CLEC9A: variants seen among roughly 807,000 people sequenced by gnomAD.
The protein encoded by CLEC9A is C-type lectin domain containing 9A.
In CLEC9A, 24 loss-of-function variants were observed where a neutral mutation model predicts 30.0. The ratio of observed to expected loss-of-function variants is 0.80; its 90% CI spans 0.58 to 1.13. The LOEUF (loss-of-function observed/expected upper bound fraction) is 1.13, where lower values mean the gene tolerates loss of function less well. Among genes scored for constraint, CLEC9A ranks in the 50% most tolerant of loss-of-function variants. The pLI, the probability that CLEC9A is intolerant of heterozygous loss-of-function variation, is 0.00. For missense variants in CLEC9A, 251 were observed against 280.9 expected (o/e 0.89, Z 0.76); for synonymous variants, 111 against 96.8 (o/e 1.15, Z -0.86).
intron 5 of CLEC9A, among the ~76,000 whole-genome samples, chr12:10,057,062 G>C (rs1262806438): frequency 1.3e-5 from 2 of 151,584 alleles, no homozygotes; most frequent in African/African-American, 4.8e-5. Flanking sequence ...TAACACTTAA[G>C]GCTTTAAAAA....
chr12:10,032,830 C>A (rs1266529979), intron 1 of CLEC9A, among the ~76,000 whole-genome samples: 3 of 152,164 alleles, frequency 2.0e-5, no homozygotes, highest in African/African-American at 7.2e-5. Context: ...CAAAAGCCAT[C>A]TTTTGTTTAC....
intron 2 of CLEC9A, among the ~76,000 whole-genome samples, chr12:10,046,351 T>C (rs1865846173): frequency 6.6e-6 from 1 of 152,174 alleles, no homozygotes; most frequent in Non-Finnish European, 1.5e-5. Flanking sequence ...TCCAAGTTCA[T>C]TTCTGGTTAG....
Position 10,043,377 on chromosome 12 carries a change from G to A in CLEC9A, c.-163+1757G>A, listed in dbSNP as rs760421386. Reference sequence around the variant, plus strand: ...TACTAGAAACTTATTCTTGAGATCCGCTCTCATCTCAGTCCAAGTCACTTA... The same window carrying A: ...TACTAGAAACTTATTCTTGAGATCCACTCTCATCTCAGTCCAAGTCACTTA... On this transcript the variant is annotated intron_variant, in intron 2 of 8. Transcript: ENST00000355819. 9 of 178,170 alleles carry A rather than the reference G, an allele frequency of 5.1e-5. No homozygotes were observed. In the South Asian group the frequency reaches 6.1e-4, roughly 12 times the overall value. The allele number at this position is 178,170 out of a possible 1,614,324, so 11.0% of individuals were successfully genotyped here.
At chr12:10,048,901 T>A (rs1010746480) in intron 2 of CLEC9A, among the ~76,000 whole-genome samples, 2 of 152,222 alleles carry the variant, frequency 1.3e-5, no homozygotes, top group African/African-American at 4.8e-5. Context: ...AGTAAATCCT[T>A]TCCAGGTGGT....
At chr12:10,055,145 G>C (rs1219801719) in intron 5 of CLEC9A, among the ~76,000 whole-genome samples, 13 of 152,174 alleles carry the variant, frequency 8.5e-5, no homozygotes, top group Admixed American at 8.5e-4. Flanking sequence ...ATTGCCAAGA[G>C]CTTAATCAGT....
chr12:10,054,213 C>G, intron 4 of CLEC9A, 58 bp from the exon 5 acceptor site: 1 of 1,324,718 alleles, frequency 7.5e-7, no homozygotes, highest in Non-Finnish European at 1.1e-6. Context: ...CTATCCTTGC[C>G]CCGTCTTTTT....
intron 5 of CLEC9A, among the ~76,000 whole-genome samples, chr12:10,054,806 G>C (rs1865925462): frequency 1.3e-5 from 2 of 152,050 alleles, no homozygotes; most frequent in South Asian, 4.1e-4. Context: ...TTGCTTTTTA[G>C]TCCAAATAGA....
chr12:10,058,943 CT>C (rs1255382541), intron 5 of CLEC9A, among the ~76,000 whole-genome samples: 1 of 152,162 alleles, frequency 6.6e-6, no homozygotes, highest in Non-Finnish European at 1.5e-5. Flanking sequence ...TTGTTCTCCT[CT>C]TTTGTTGTTC....
At chr12:10,045,642 G>T (rs936326618) in intron 2 of CLEC9A, 1 of 244,612 alleles carries the variant, frequency 4.1e-6, no homozygotes, top group Non-Finnish European at 9.0e-6. Context: ...CAAGGAAAGG[G>T]GCAGGATATC....
At chr12:10,061,300 G>A (rs1483179513) in intron 6 of CLEC9A, 27 bp downstream of exon 6, 3 of 1,590,120 alleles carry the variant, frequency 1.9e-6, no homozygotes, top group Non-Finnish European at 8.5e-7. Flanking sequence ...AGTTTCCACT[G>A]TATACATCTA....
chr12:10,061,134 G>A lies in CLEC9A; in HGVS notation c.180G>A (p.Gln60=), dbSNP rs1851060954. The change falls in exon 6 of 9, where the codon CAG becomes CAA. Residue 60 remains glutamine, a synonymous_variant. Coordinates refer to ENST00000355819, the MANE Select transcript of CLEC9A (RefSeq NM_207345.4). The part of the protein sequence containing the change: ...ASIFLGVKLL[Q]VSTIAMQQQE... ...GATTGCTATCATGTGAAGTGTTGCA[G>A]GTGTCCACCATTGCGATGCAGCAGC... is the stretch of plus-strand genomic sequence containing the variant. The A allele has an allele frequency of 6.2e-7, 1 of 1,609,810 alleles. No homozygotes were observed. The highest frequency in any genetic ancestry group is 8.5e-7 in the Non-Finnish European group (1 of 1,178,606).
chr12:10,044,220 C>T (rs888310105), intron 2 of CLEC9A, among the ~76,000 whole-genome samples: 4 of 152,116 alleles, frequency 2.6e-5, no homozygotes, highest in African/African-American at 9.7e-5. Context: ...TTTGTCACTT[C>T]CTATGTGGTT....
intron 1 of CLEC9A, among the ~76,000 whole-genome samples, chr12:10,039,241 G>A (rs1865770377): frequency 1.3e-5 from 2 of 152,124 alleles, no homozygotes; most frequent in African/African-American, 2.4e-5. Context: ...CTCTGCCAAA[G>A]ATTTGATTGG....
chr12:10,052,453 A>AT, intron 3 of CLEC9A, 177 bp from the exon 4 acceptor site: 1 of 1,184,820 alleles, frequency 8.4e-7, no homozygotes, highest in Non-Finnish European at 1.1e-6. Flanking sequence ...GCCATTCTAA[A>AT]TTCAGTTCTC....
At chr12:10,039,196 G>C (rs1865770160) in intron 1 of CLEC9A, among the ~76,000 whole-genome samples, 1 of 152,142 alleles carries the variant, frequency 6.6e-6, no homozygotes, top group Non-Finnish European at 1.5e-5. Flanking sequence ...ATGGTTGTCG[G>C]GCTGGTGGCT....
chr12:10,043,051 A>G (rs1449913322), intron 2 of CLEC9A, among the ~76,000 whole-genome samples: 2 of 152,334 alleles, frequency 1.3e-5, no homozygotes, highest in East Asian at 3.9e-4. Flanking sequence ...TTCTAAGACA[A>G]GTGAAATTGG....
chr12:10,050,430 A>T (rs1865883216), intron 2 of CLEC9A, among the ~76,000 whole-genome samples: 1 of 152,214 alleles, frequency 6.6e-6, no homozygotes, highest in Non-Finnish European at 1.5e-5. Context: ...AAGCTCAATA[A>T]AACAAGATAT....
chr12:10,053,075 T>C (rs1262671866), intron 4 of CLEC9A, among the ~76,000 whole-genome samples: 7 of 152,200 alleles, frequency 4.6e-5, no homozygotes. Context: ...ATTGAACTCC[T>C]ACTAAAACAT....
At chr12:10,055,717 A>G (rs970914350) in intron 5 of CLEC9A, among the ~76,000 whole-genome samples, 1 of 152,132 alleles carries the variant, frequency 6.6e-6, no homozygotes, top group Non-Finnish European at 1.5e-5. Flanking sequence ...TATTTTGTCT[A>G]CTATATAGAC....
Sources: allele counts gnomAD v4.1 joint callset (sites outside exome capture counted in the v4.1 genomes callset), GRCh38; gene constraint gnomAD v4.1.1; transcripts MANE v1.5; gene names NCBI Gene and HGNC (gene_info 2026-07-23, HGNC 2026-07-21).